The following TLE2 variants were observed in gnomAD, a reference collection of about 807,000 sequenced individuals.
TLE2 encodes the protein TLE family member 2, transcriptional corepressor.
TLE2 carries 74 observed loss-of-function variants against 97.2 expected under a neutral mutation model. The observed-to-expected ratio is 0.76, with a 90% confidence interval of 0.63 to 0.92. The LOEUF (loss-of-function observed/expected upper bound fraction) is 0.92, where lower values mean the gene tolerates loss of function less well. TLE2 is among the 40% of genes least tolerant of loss of function. The pLI is 0.00. For synonymous variants in TLE2, 499 were observed against 432.1 expected, an observed-to-expected ratio of 1.15 and a Z score of -1.92; for missense variants, 1,038 against 1,008.7, an observed-to-expected ratio of 1.03 and a Z score of -0.39.
Position 3,014,557 on chromosome 19 carries a change from C to G in TLE2, c.723+13G>C. 6.3e-7 allele frequency: 1 copy of G among 1,582,600 alleles called. No individual in the cohort carries two copies. On this transcript the variant is annotated intron_variant, in intron 10 of 19. Transcript: ENST00000262953. ...GCCCAGAGTCGGGGAAGAGGCTGGA[C>G]CCCTGGACTCACCTCGTCCACCACC...
Position 3,005,854 on chromosome 19 carries a change from T to C in TLE2, c.1615A>G (p.Ile539Val), listed in dbSNP as rs2089463191. Residue 539 changes from isoleucine to valine, a missense_variant, in exon 16 of 20, where the codon ATC (isoleucine) becomes GTC (valine). By Grantham distance (29) the Ile-to-Val change is conservative (BLOSUM62 3). Transcript: ENST00000262953. ...GCTGAGGAAGTCAGCTCGGCCTTGA[T>C]ACGGGGGGTGGGCGCCGCCAGGTCC... ...IWDLAAPTPR[I>V]KAELTSSAPA... The C allele has an allele frequency of 1.9e-6, 3 of 1,613,820 alleles. No individual in the cohort carries two copies. The African/African-American group carries it at 4.0e-5, about 22-fold the overall frequency.
At position 3,029,162 on chromosome 19, in the gene TLE2, C is replaced by T; in HGVS notation, c.-258G>A. On this transcript the variant is annotated 5_prime_UTR_variant, in exon 1 of 20. Coordinates refer to ENST00000262953, the MANE Select transcript of TLE2 (RefSeq NM_003260.5). ...AGGGGCAGCGGCCGGGGCGGGAGCG[C>T]GGCGAGGGCGGCCGCGGCAGCCGGC... 2.4e-6 allele frequency: 2 copies of T among 847,336 alleles called. No individual in the cohort carries two copies. The highest frequency in any genetic ancestry group is 2.8e-6 in the Non-Finnish European group (2 of 705,934). The allele number at this position is 847,336 out of a possible 1,614,324, so 52.5% of individuals were successfully genotyped here. A position where few individuals can be genotyped will look rare whatever the true frequency, so the allele number is the denominator to read the frequency against.
intron 5 of TLE2, among the ~76,000 whole-genome samples, chr19:3,022,961 C>T (rs1267874263): frequency 6.6e-6 from 1 of 152,022 alleles, no homozygotes; most frequent in Non-Finnish European, 1.5e-5. Flanking sequence ...TTTGCAAAAA[C>T]AAGTGGAGGG....
At chr19:3,009,735 G>A (rs80304995) in intron 12 of TLE2, 33 bp from the exon 13 acceptor site, 54,697 of 1,578,544 alleles carry the variant, frequency 0.035, 1,130 homozygotes, top group Non-Finnish European at 0.038. Context: ...AGGTTTTGAC[G>A]CCCTGGACCC....
intron 18 of TLE2, 93 bp from the exon 19 acceptor site, chr19:3,000,816 G>T (rs2089341342): frequency 3.7e-6 from 3 of 820,936 alleles, no homozygotes; most frequent in Non-Finnish European, 1.9e-6. Context: ...TCTGGGTCTG[G>T]CCTCTCCCTT....
upstream of TLE2, among the ~76,000 whole-genome samples, chr19:3,031,449 G>T (rs925690784): frequency 2.0e-5 from 3 of 150,406 alleles, no homozygotes; most frequent in African/African-American, 7.4e-5. Flanking sequence ...TTCCCACAAG[G>T]CTCTTCACAA....
At chr19:3,006,734 G>A in intron 14 of TLE2, 65 bp from the exon 15 acceptor site, 2 of 1,519,646 alleles carry the variant, frequency 1.3e-6, no homozygotes, top group South Asian at 2.6e-5. Context: ...CACCTGGGAG[G>A]GCAGGGAGAC....
chr19:3,028,185 T>C, intron 3 of TLE2, 134 bp downstream of exon 3: 1 of 1,005,980 alleles, frequency 9.9e-7, no homozygotes. Flanking sequence ...CTAGAGAGCC[T>C]GAAATCCCAA....
chr19:3,023,770 T>G (rs950384988), intron 5 of TLE2, among the ~76,000 whole-genome samples: 2 of 151,644 alleles, frequency 1.3e-5, no homozygotes, highest in African/African-American at 4.8e-5. Context: ...TGCACGCCTG[T>G]AATCCCAGCT....
At position 3,006,461 on chromosome 19, in the gene TLE2, G is replaced by T. The variant is rs771876524; in HGVS notation, c.1459C>A (p.Gln487Lys). 2 of 1,610,892 alleles carry T rather than the reference G, an allele frequency of 1.2e-6. No individual in the cohort carries two copies. Among genetic ancestry groups the T allele is most frequent in the South Asian group, 2.2e-5 (2 of 90,876 alleles). ...KGCVKVWDVG[Q>K]PGAKTPVAQL... ...GCCACGGGCGTCTTGGCCCCAGGCT[G>T]GCCCACGTCCCACACCTTCACACAG... The change falls in exon 15 of 20, where the codon CAG becomes AAG. Residue 487 changes from glutamine (Q) to lysine (K), a missense_variant. Transcript: ENST00000262953.
chr19:3,024,887 G>A, intron 5 of TLE2, 133 bp downstream of exon 5: 1 of 758,046 alleles, frequency 1.3e-6, no homozygotes. Context: ...GACTACTGCA[G>A]TGAAAATGGT....
intron 4 of TLE2, 46 bp downstream of exon 4, chr19:3,027,783 G>C (rs911139299): frequency 5.0e-6 from 8 of 1,593,598 alleles, no homozygotes; most frequent in Non-Finnish European, 6.8e-6. Flanking sequence ...AGGGCTTCCA[G>C]ACCCCCACCC....
At chr19:3,025,414 A>G in intron 4 of TLE2, 5 of 1,139,274 alleles carry the variant, frequency 4.4e-6, no homozygotes, top group Non-Finnish European at 5.4e-6. Context: ...TCAGACGCAG[A>G]CACTCAGAGG....
At chr19:2,999,894 G>A (rs1309080084) in intron 19 of TLE2, among the ~76,000 whole-genome samples, 5 of 150,122 alleles carry the variant, frequency 3.3e-5, no homozygotes, top group South Asian at 2.1e-4. Flanking sequence ...TTAGCCAGGC[G>A]TGGTGGTACA....
chr19:3,005,658 C>CA lies in TLE2; in HGVS notation c.1748+62dup. ...AGCATCGTCCCAGGTCACACTCCTC[C>CA]ACTCCCCCTGCACCGAGAGCGGCCG... On this transcript the variant is annotated intron_variant, in intron 16 of 19. Coordinates refer to ENST00000262953, the MANE Select transcript of TLE2 (RefSeq NM_003260.5). 1.9e-6 allele frequency: 3 copies of CA among 1,607,122 alleles called. No homozygotes were observed. In the South Asian group the frequency reaches 3.3e-5, roughly 18 times the overall value.
At chr19:3,043,261 G>A (rs920260860) in intron 1 of TLE2, among the ~76,000 whole-genome samples, 1 of 150,862 alleles carries the variant, frequency 6.6e-6, no homozygotes, top group African/African-American at 2.4e-5. Context: ...GACCACAATC[G>A]TACACTACCA....
chr19:3,044,225 G>C (rs969745936), intron 1 of TLE2, among the ~76,000 whole-genome samples: 1 of 150,888 alleles, frequency 6.6e-6, no homozygotes, highest in Non-Finnish European at 1.5e-5. Flanking sequence ...GGGCCTCCTC[G>C]TGACTTTCTG....
intron 1 of TLE2, among the ~76,000 whole-genome samples, chr19:3,041,994 G>A (rs1461709835): frequency 4.6e-5 from 7 of 151,944 alleles, no homozygotes; most frequent in Non-Finnish European, 8.8e-5. Flanking sequence ...GCGGTGCTGC[G>A]GGGGAACCCA....
intron 1 of TLE2, among the ~76,000 whole-genome samples, chr19:3,035,486 A>G (rs529070152): frequency 6.6e-6 from 1 of 152,066 alleles, no homozygotes; most frequent in African/African-American, 2.4e-5. Flanking sequence ...AGAGAGGCTC[A>G]GCCCCTGGTT....
Sources: allele counts gnomAD v4.1 joint callset (sites outside exome capture counted in the v4.1 genomes callset), GRCh38; gene constraint gnomAD v4.1.1; transcripts MANE v1.5; gene names NCBI Gene and HGNC (gene_info 2026-07-23, HGNC 2026-07-21).